Variants in CACNB2 observed in about 807,000 individuals in gnomAD.
CACNB2 encodes calcium voltage-gated channel auxiliary subunit beta 2.
A neutral mutation model predicts 73.3 loss-of-function variants in CACNB2; 42 were observed. That is an observed-to-expected ratio of 0.57 (90% CI 0.45 to 0.74). The LOEUF (loss-of-function observed/expected upper bound fraction) is 0.74. CACNB2 is among the 30% of genes least tolerant of loss of function. CACNB2 has a pLI of 0.00. For synonymous variants in CACNB2, 348 were observed against 310.3 expected (o/e 1.12, Z -1.28); for missense variants, 940 against 853.0 (o/e 1.10, Z -1.27).
chr10:18,147,508 A>G (rs1438647043), intron 1 of CACNB2, among the ~76,000 whole-genome samples: 1 of 152,138 alleles, frequency 6.6e-6, no homozygotes, highest in African/African-American at 2.4e-5. Flanking sequence ...TGCATGTGTC[A>G]GGGAGAATCT....
chr10:18,181,531 G>A (rs1389509105), intron 2 of CACNB2, among the ~76,000 whole-genome samples: 1 of 148,980 alleles, frequency 6.7e-6, no homozygotes, highest in Non-Finnish European at 1.5e-5. Flanking sequence ...AAAATGGCCG[G>A]TAGTCAGAGT....
At chr10:18,196,633 C>G (rs1277727) in intron 2 of CACNB2, among the ~76,000 whole-genome samples, 131,196 of 152,162 alleles carry the variant, frequency 0.86, 56,779 homozygotes, top group Non-Finnish European at 0.9. Context: ...ACATTTTTGA[C>G]TGCTCCCTGT....
At chr10:18,394,134 G>T (rs903233478) in intron 2 of CACNB2, among the ~76,000 whole-genome samples, 1 of 151,704 alleles carries the variant, frequency 6.6e-6, no homozygotes, top group Non-Finnish European at 1.5e-5. Flanking sequence ...TACAGACAGG[G>T]TTTCACCATA....
chr10:18,156,913 C>T (rs1365482888), intron 2 of CACNB2, among the ~76,000 whole-genome samples: 1 of 151,656 alleles, frequency 6.6e-6, no homozygotes, highest in East Asian at 1.9e-4. Context: ...GTGGCGCATG[C>T]CTGTAATCCC....
intron 2 of CACNB2, among the ~76,000 whole-genome samples, chr10:18,360,084 A>G (rs914432556): frequency 6.6e-6 from 1 of 152,216 alleles, no homozygotes; most frequent in Non-Finnish European, 1.5e-5. Flanking sequence ...GAAAGACATC[A>G]ATAAACTGCC....
In CACNB2 at chr10:18,450,547, A is replaced by G. The variant is rs146167941; in HGVS notation, c.334-47808A>G. ...GGGTGTTCCTTCTCACTGCTTCTTCAGAAAAGCATTGTCAGAGTACGGGAG... is the reference window on the plus strand; with the variant it reads ...GGGTGTTCCTTCTCACTGCTTCTTCGGAAAAGCATTGTCAGAGTACGGGAG... On this transcript the variant is annotated intron_variant, in intron 3 of 13. Transcript: ENST00000324631. 7.4e-3 allele frequency among the ~76,000 whole-genome samples: 1,126 copies of G among 152,164 alleles called. 23 individuals are homozygous for G. The highest frequency in any genetic ancestry group is 0.025 in the African/African-American group (1,050 of 41,514).
intron 2 of CACNB2, among the ~76,000 whole-genome samples, chr10:18,240,046 A>C (rs918183506): frequency 4.6e-5 from 7 of 152,174 alleles, no homozygotes; most frequent in Admixed American, 6.5e-5. Context: ...ATATTTAAAA[A>C]CTTTTTTAAA....
intron 3 of CACNB2, among the ~76,000 whole-genome samples, chr10:18,480,881 G>A (rs2048688769): frequency 6.6e-6 from 1 of 151,916 alleles, no homozygotes. Flanking sequence ...AACATCTTTT[G>A]GTCAATAATT....
intron 2 of CACNB2, among the ~76,000 whole-genome samples, chr10:18,302,470 G>A (rs990735552): frequency 6.6e-5 from 10 of 152,164 alleles, no homozygotes; most frequent in African/African-American, 2.2e-4. Context: ...TAAACGAGTG[G>A]ATAGAGAAAC....
intron 7 of CACNB2, among the ~76,000 whole-genome samples, chr10:18,515,608 GAAAA>G (rs1262218646): frequency 6.6e-6 from 1 of 152,190 alleles, no homozygotes; most frequent in African/African-American, 2.4e-5. Flanking sequence ...TTTAATAAGG[GAAAA>G]CTTCAGCACT....
chr10:18,359,434 G>A (rs145611198), intron 2 of CACNB2, among the ~76,000 whole-genome samples: 4,669 of 151,960 alleles, frequency 0.031, 96 homozygotes, highest in African/African-American at 0.052. Flanking sequence ...ACCATGCCCG[G>A]CTAATTTTTT....
chr10:18,294,690 C>T (rs1221235378), intron 2 of CACNB2, among the ~76,000 whole-genome samples: 13 of 152,178 alleles, frequency 8.5e-5, no homozygotes, highest in Admixed American at 8.5e-4. Context: ...CTCAAGCATT[C>T]CCTGCAAAGG....
At chr10:18,187,622 A>T (rs2034212423) in intron 2 of CACNB2, among the ~76,000 whole-genome samples, 1 of 152,160 alleles carries the variant, frequency 6.6e-6, no homozygotes, top group African/African-American at 2.4e-5. Flanking sequence ...ATTTTAGAGA[A>T]GGCATTTAAC....
chr10:18,352,760 C>T (rs766316673), intron 2 of CACNB2, among the ~76,000 whole-genome samples: 22 of 152,142 alleles, frequency 1.4e-4, no homozygotes, highest in Non-Finnish European at 2.8e-4. Context: ...AGGGAGAATG[C>T]TTTACATGTA....
intron 2 of CACNB2, among the ~76,000 whole-genome samples, chr10:18,359,936 G>A (rs545679708): frequency 2.5e-4 from 38 of 152,228 alleles, no homozygotes; most frequent in African/African-American, 4.6e-4. Context: ...ATTGAGCCAC[G>A]AGTGCAAAGA....
intron 3 of CACNB2, among the ~76,000 whole-genome samples, chr10:18,408,734 A>G (rs1045206346): frequency 7.9e-5 from 12 of 152,228 alleles, no homozygotes; most frequent in Admixed American, 3.9e-4. Flanking sequence ...ATCACGTGTC[A>G]TCAGATAGAG....
chr10:18,536,244 T>TTTTA, intron 12 of CACNB2, 48 bp downstream of exon 12: 1 of 285,896 alleles, frequency 3.5e-6, no homozygotes, highest in East Asian at 4.6e-5. Flanking sequence ...AGATCAGACC[T>TTTTA]TTTTTTTTTT....
At chr10:18,442,701 T>A in intron 3 of CACNB2, among the ~76,000 whole-genome samples, 1 of 150,724 alleles carries the variant, frequency 6.6e-6, no homozygotes, top group Non-Finnish European at 1.5e-5. Flanking sequence ...GGCACGTGCC[T>A]GTAATCCCAG....
intron 2 of CACNB2, among the ~76,000 whole-genome samples, chr10:18,357,591 C>G (rs1424294455): frequency 6.6e-6 from 1 of 152,172 alleles, no homozygotes; most frequent in African/African-American, 2.4e-5. Context: ...TGTCACAGTA[C>G]TTTCATTTCT....
Sources: gnomAD v4.1 joint callset for allele counts (sites outside exome capture counted in the v4.1 genomes callset) on GRCh38, gnomAD v4.1.1 for gene constraint, MANE v1.5 for transcripts, NCBI Gene and HGNC (gene_info 2026-07-23, HGNC 2026-07-21) for gene names.